Variants in TMEM217B observed in about 807,000 individuals in gnomAD.
TMEM217B encodes transmembrane protein 217B, also known as putative transmembrane protein 217B.
the TMEM217B span, among the ~76,000 whole-genome samples, chr6:37,243,882 G>T: frequency 4.7e-4 from 72 of 152,244 alleles, no homozygotes; most frequent in Admixed American, 1.1e-3. Flanking sequence ...GCCTCTGGAT[G>T]GGGGGGTGCA....
At chr6:37,233,175 C>T in the TMEM217B span, among the ~76,000 whole-genome samples, 2 of 151,006 alleles carry the variant, frequency 1.3e-5, no homozygotes, top group Admixed American at 1.3e-4. Context: ...TTTCTCTGGT[C>T]TTTCTTATTT....
the TMEM217B span, among the ~76,000 whole-genome samples, chr6:37,224,619 A>AG: frequency 1.3e-5 from 2 of 149,116 alleles, no homozygotes; most frequent in African/African-American, 4.9e-5. Flanking sequence ...ACAAACGAAA[A>AG]AAAAACCTTT....
chr6:37,215,586 AAAAAAAAAAAAAAAAGAAAAG>A, the TMEM217B span, among the ~76,000 whole-genome samples: 35 of 150,414 alleles, frequency 2.3e-4, no homozygotes, highest in African/African-American at 8.3e-4. Flanking sequence ...AAAAAAAAAA[AAAAAAAAAAAAAAAAGAAAAG>A]AAAAAAGAAA....
At chr6:37,253,071 A>C in the TMEM217B span, among the ~76,000 whole-genome samples, 1 of 151,938 alleles carries the variant, frequency 6.6e-6, no homozygotes, top group African/African-American at 2.4e-5. Flanking sequence ...CTTTGACAAA[A>C]CCCATATATT....
At chr6:37,240,111 T>G in the TMEM217B span, among the ~76,000 whole-genome samples, 1 of 152,180 alleles carries the variant, frequency 6.6e-6, no homozygotes, top group Non-Finnish European at 1.5e-5. Context: ...TATGTGTGAC[T>G]GTTTTGCCCT....
chr6:37,231,400 C>T, the TMEM217B span, among the ~76,000 whole-genome samples: 1 of 150,224 alleles, frequency 6.7e-6, no homozygotes, highest in Non-Finnish European at 1.5e-5. Flanking sequence ...TCAGGCTGGG[C>T]GCGGTGGCTC....
At chr6:37,213,739 A>G in the TMEM217B span, among the ~76,000 whole-genome samples, 1 of 152,222 alleles carries the variant, frequency 6.6e-6, no homozygotes, top group African/African-American at 2.4e-5. Flanking sequence ...GCATGTTGAT[A>G]ATGGGGGACC....
At chr6:37,218,247 G>T in the TMEM217B span, 1 of 1,301,206 alleles carries the variant, frequency 7.7e-7, no homozygotes, top group Non-Finnish European at 1.0e-6. Context: ...TCGGCTCACT[G>T]CAACCTCCAC....
the TMEM217B span, among the ~76,000 whole-genome samples, chr6:37,253,274 T>TC: frequency 6.6e-6 from 1 of 152,178 alleles, no homozygotes; most frequent in Non-Finnish European, 1.5e-5. Flanking sequence ...CTTTTCATTT[T>TC]CCCCTGTTTA....
At chr6:37,235,561 T>C in the TMEM217B span, among the ~76,000 whole-genome samples, 1 of 152,058 alleles carries the variant, frequency 6.6e-6, no homozygotes, top group Non-Finnish European at 1.5e-5. Flanking sequence ...AGAGATGGGG[T>C]TTCACCATGT....
the TMEM217B span, among the ~76,000 whole-genome samples, chr6:37,243,541 T>C: frequency 6.6e-6 from 1 of 152,214 alleles, no homozygotes; most frequent in Non-Finnish European, 1.5e-5. Context: ...CCATATCATA[T>C]GGGATATGGA....
chr6:37,246,847 G>A, the TMEM217B span, among the ~76,000 whole-genome samples: 1 of 151,412 alleles, frequency 6.6e-6, no homozygotes, highest in Admixed American at 6.6e-5. Context: ...AGGCCGCAGT[G>A]AGCCATGATT....
chr6:37,246,316 A>AT, the TMEM217B span, among the ~76,000 whole-genome samples: 10,022 of 152,100 alleles, frequency 0.066, 1,076 homozygotes, highest in African/African-American at 0.22. Flanking sequence ...TTCAGTCTGG[A>AT]TTTTTGTCTG....
At chr6:37,254,599 G>T in the TMEM217B span, among the ~76,000 whole-genome samples, 7 of 152,196 alleles carry the variant, frequency 4.6e-5, no homozygotes, top group African/African-American at 1.2e-4. Flanking sequence ...AGGAAACACT[G>T]TTTCTATCAT....
At chr6:37,247,037 G>A in the TMEM217B span, among the ~76,000 whole-genome samples, 2 of 152,198 alleles carry the variant, frequency 1.3e-5, no homozygotes, top group African/African-American at 4.8e-5. Flanking sequence ...TGTGACTAGA[G>A]TGGTCCTTCT....
the TMEM217B span, among the ~76,000 whole-genome samples, chr6:37,257,365 G>A: frequency 0.042 from 6,331 of 152,284 alleles, 420 homozygotes; most frequent in African/African-American, 0.14. Flanking sequence ...ATGAGGAAAG[G>A]AGGGTAATAA....
chr6:37,215,833 G>A, the TMEM217B span, among the ~76,000 whole-genome samples: 3 of 152,274 alleles, frequency 2.0e-5, no homozygotes, highest in East Asian at 5.8e-4. Flanking sequence ...CAAAGGGGTA[G>A]GCACAGGGAT....
the TMEM217B span, among the ~76,000 whole-genome samples, chr6:37,224,731 C>T: frequency 6.6e-6 from 1 of 152,094 alleles, no homozygotes; most frequent in African/African-American, 2.4e-5. Flanking sequence ...GCTGGGATTA[C>T]AGGAGTGAGC....
At chr6:37,250,637 C>T in the TMEM217B span, among the ~76,000 whole-genome samples, 1,429 of 152,360 alleles carry the variant, frequency 9.4e-3, 20 homozygotes, top group African/African-American at 0.032. Flanking sequence ...ATGCTGATCA[C>T]GACCTCTTAT....
Sources: allele counts gnomAD v4.1 joint callset (sites outside exome capture counted in the v4.1 genomes callset), GRCh38; gene constraint gnomAD v4.1.1; transcripts MANE v1.5; gene names NCBI Gene and HGNC (gene_info 2026-07-23, HGNC 2026-07-21).